Variants in XIRP2 observed in about 807,000 individuals in gnomAD.
XIRP2 encodes xin actin-binding repeat-containing protein 2.
Under a neutral mutation model 277.0 loss-of-function variants are expected in XIRP2, and 236 were observed. That is an observed-to-expected ratio of 0.85 (90% CI 0.77 to 0.95). The LOEUF (loss-of-function observed/expected upper bound fraction) is 0.95. Ranked by LOEUF, XIRP2 falls within the 40% of genes least tolerant of loss-of-function variation. XIRP2 has a pLI of 0.00. For missense variants in XIRP2, 4,640 were observed against 4,157.5 expected (o/e 1.12, Z -3.19); for synonymous variants, 1,490 against 1,416.5 (o/e 1.05, Z -1.17).
At chr2:167,153,350 C>T (rs559451270) in intron 3 of XIRP2, among the ~76,000 whole-genome samples, 25 of 148,728 alleles carry the variant, frequency 1.7e-4, no homozygotes, top group Admixed American at 1.5e-3. Context: ...GTGTTTCACT[C>T]TTTAAAATAG....
At position 166,905,193 on chromosome 2, in the gene XIRP2, G is replaced by T. The variant is rs567342089; in HGVS notation, c.408+1303G>T. ...GGGATTGGGGTACACAACAAAGATAGTTACAATGTCATTTATTTTTTATCT... is the reference window on the plus strand; with the variant it reads ...GGGATTGGGGTACACAACAAAGATATTTACAATGTCATTTATTTTTTATCT... On this transcript the variant is annotated intron_variant, in intron 2 of 10. Transcript: ENST00000409195. Among the ~76,000 whole-genome samples the T allele has an allele frequency of 2.6e-5, 4 of 152,058 alleles. No individual in the cohort carries two copies. In the South Asian group the frequency reaches 8.3e-4, roughly 32 times the overall value.
intron 2 of XIRP2, among the ~76,000 whole-genome samples, chr2:167,112,828 T>C: frequency 6.6e-6 from 1 of 151,904 alleles, no homozygotes; most frequent in Non-Finnish European, 1.5e-5. Context: ...ATTTTTGTAT[T>C]TTTAGTAGAC....
In XIRP2 at chr2:167,249,998, T is replaced by C. The variant is rs376778393; in HGVS notation, c.8606T>C (p.Phe2869Ser). ...DAHLDSQTQN[F>S]QQTQIQTAES... is the part of the protein sequence containing the mutation. ...CATCTTGATTCACAGACTCAGAATT[T>C]TCAGCAAACACAAATACAGACCGCT... Residue 2869 changes from phenylalanine to serine, a missense_variant, in exon 9 of 11, where the codon TTT becomes TCT. Coordinates refer to ENST00000409195, the MANE Select transcript of XIRP2 (RefSeq NM_152381.6). 10 of 1,613,506 alleles carry C rather than the reference T, an allele frequency of 6.2e-6. No homozygotes were observed. Among genetic ancestry groups the C allele is most frequent in the Middle Eastern group, 3.3e-4 (2 of 6,080 alleles).
chr2:167,107,580 A>G (rs1367502231), intron 2 of XIRP2, among the ~76,000 whole-genome samples: 1 of 151,640 alleles, frequency 6.6e-6, no homozygotes, highest in Non-Finnish European at 1.5e-5. Flanking sequence ...CCTATTTTGT[A>G]TATTAAAAAT....
chr2:167,099,834 C>T (rs901712887), intron 2 of XIRP2, among the ~76,000 whole-genome samples: 1 of 152,084 alleles, frequency 6.6e-6, no homozygotes, highest in African/African-American at 2.4e-5. Flanking sequence ...CCGTGGGCTG[C>T]ACCCACTGTC....
At chr2:167,130,399 G>A (rs753802108) in intron 2 of XIRP2, among the ~76,000 whole-genome samples, 34 of 151,856 alleles carry the variant, frequency 2.2e-4, no homozygotes, top group Non-Finnish European at 5.9e-5. Context: ...CATTTTCCTG[G>A]GACACCATCA....
chr2:167,238,523 G>C (rs1305669471), intron 5 of XIRP2, among the ~76,000 whole-genome samples: 1 of 152,012 alleles, frequency 6.6e-6, no homozygotes, highest in Non-Finnish European at 1.5e-5. Flanking sequence ...AAATACCCTT[G>C]AGGGAAAAAG....
chr2:166,937,461 G>A (rs1685552236), intron 2 of XIRP2, among the ~76,000 whole-genome samples: 1 of 152,192 alleles, frequency 6.6e-6, no homozygotes, highest in Non-Finnish European at 1.5e-5. Flanking sequence ...GGTCATGGTG[G>A]ATAAGGTTTT....
intron 2 of XIRP2, among the ~76,000 whole-genome samples, chr2:167,002,475 A>G (rs1275715093): frequency 6.6e-6 from 1 of 151,974 alleles, no homozygotes; most frequent in East Asian, 1.9e-4. Flanking sequence ...TTCACCAAGA[A>G]TAGGAAGAGG....
Position 167,246,353 on chromosome 2 carries a change from T to C in XIRP2, c.4961T>C (p.Ile1654Thr). 2 of 1,612,896 alleles carry C rather than the reference T, an allele frequency of 1.2e-6. No individual in the cohort carries two copies. The highest frequency in any genetic ancestry group is 1.1e-5 in the South Asian group (1 of 90,852). Residue 1654 changes from isoleucine (I) to threonine (T), a missense_variant, in exon 9 of 11, where the codon ATA (isoleucine) becomes ACA (threonine). Transcript: ENST00000409195. Reference protein sequence around the residue: ...STEFHAEKEEIVKGDVQQAIK... With the variant: ...STEFHAEKEETVKGDVQQAIK... The stretch of plus-strand genomic sequence containing the variant: ...GAATTTCATGCTGAAAAAGAAGAGA[T>C]AGTGAAAGGTGATGTACAACAAGCA...
intron 3 of XIRP2, among the ~76,000 whole-genome samples, chr2:167,165,959 G>T (rs1692510670): frequency 6.6e-6 from 1 of 152,052 alleles, no homozygotes; most frequent in African/African-American, 2.4e-5. Context: ...TAGGAGTTTT[G>T]TAGTTTTGCA....
chr2:166,957,192 A>G (rs915704225), intron 2 of XIRP2, among the ~76,000 whole-genome samples: 3 of 151,668 alleles, frequency 2.0e-5, no homozygotes, highest in African/African-American at 7.3e-5. Context: ...GTCAAAGGAT[A>G]TTAATATTTT....
At chr2:167,083,598 T>C (rs1689815975) in intron 2 of XIRP2, among the ~76,000 whole-genome samples, 1 of 152,222 alleles carries the variant, frequency 6.6e-6, no homozygotes, top group Non-Finnish European at 1.5e-5. Flanking sequence ...CTTCCATTTG[T>C]TTGTATCCTC....
chr2:166,893,217 G>C (rs1260819965), intron 1 of XIRP2, among the ~76,000 whole-genome samples: 2 of 151,876 alleles, frequency 1.3e-5, no homozygotes, highest in Non-Finnish European at 2.9e-5. Context: ...AAATATTCCA[G>C]AAAAATCCAT....
At chr2:167,217,347 C>T (rs78790682) in intron 4 of XIRP2, among the ~76,000 whole-genome samples, 2,402 of 151,810 alleles carry the variant, frequency 0.016, 67 homozygotes, top group African/African-American at 0.055. Context: ...AGATTAGAAC[C>T]CTTCTAATGT....
chr2:166,922,564 A>G (rs570516278), intron 2 of XIRP2, among the ~76,000 whole-genome samples: 21 of 152,030 alleles, frequency 1.4e-4, no homozygotes, highest in South Asian at 1.0e-3. Flanking sequence ...CTTCTTTTGC[A>G]TAATATTTGA....
At chr2:166,914,930 T>G (rs1232856333) in intron 2 of XIRP2, among the ~76,000 whole-genome samples, 1 of 152,134 alleles carries the variant, frequency 6.6e-6, no homozygotes, top group African/African-American at 2.4e-5. Context: ...TCTGTCTTGA[T>G]CTTCAGCACA....
chr2:167,003,000 A>G (rs776637221), intron 2 of XIRP2, among the ~76,000 whole-genome samples: 1 of 151,894 alleles, frequency 6.6e-6, no homozygotes, highest in Non-Finnish European at 1.5e-5. Flanking sequence ...ATTACTCAGA[A>G]CCATCATTTC....
At chr2:167,076,408 C>T (rs1298430792) in intron 2 of XIRP2, among the ~76,000 whole-genome samples, 1 of 152,124 alleles carries the variant, frequency 6.6e-6, no homozygotes, top group Non-Finnish European at 1.5e-5. Context: ...AAAACACATA[C>T]TGAACTTTCA....
Sources: gnomAD v4.1 joint callset for allele counts (sites outside exome capture counted in the v4.1 genomes callset) on GRCh38, gnomAD v4.1.1 for gene constraint, MANE v1.5 for transcripts, NCBI Gene and HGNC (gene_info 2026-07-23, HGNC 2026-07-21) for gene names.